The following ADGRB3 variants were observed in gnomAD, a reference collection of about 807,000 sequenced individuals.
The protein encoded by ADGRB3 is brain-specific angiogenesis inhibitor 3.
Under a neutral mutation model 193.4 loss-of-function variants are expected in ADGRB3, and 37 were observed. The ratio of observed to expected loss-of-function variants is 0.19; its 90% CI spans 0.15 to 0.25. The LOEUF (loss-of-function observed/expected upper bound fraction) is 0.25. Among genes scored for constraint, ADGRB3 ranks in the 10% least tolerant of loss-of-function variants. ADGRB3 has a pLI of 1.00. For missense variants in ADGRB3, 1,637 were observed against 1,852.9 expected (o/e 0.88, Z 2.14); for synonymous variants, 690 against 644.2 (o/e 1.07, Z -1.08).
At chr6:69,012,596 G>A (rs974377474) in intron 11 of ADGRB3, among the ~76,000 whole-genome samples, 1 of 151,926 alleles carries the variant, frequency 6.6e-6, no homozygotes, top group Non-Finnish European at 1.5e-5. Flanking sequence ...TTGAAAAACG[G>A]GTCTAAAACA....
chr6:69,238,307 G>T (rs1470740627), intron 19 of ADGRB3, among the ~76,000 whole-genome samples: 6 of 152,062 alleles, frequency 3.9e-5, no homozygotes, highest in Non-Finnish European at 5.9e-5. Flanking sequence ...ATTTACCACA[G>T]AATGCAGTGA....
intron 8 of ADGRB3, among the ~76,000 whole-genome samples, chr6:68,972,742 C>T (rs1032181092): frequency 6.6e-6 from 1 of 151,918 alleles, no homozygotes; most frequent in South Asian, 2.1e-4. Context: ...AAGAAAAACA[C>T]CTAACGTAAG....
chr6:68,990,428 T>TTG (rs1391412377), intron 10 of ADGRB3, among the ~76,000 whole-genome samples: 5 of 152,144 alleles, frequency 3.3e-5, no homozygotes, highest in Non-Finnish European at 7.4e-5. Flanking sequence ...CCAGGAAGGA[T>TTG]GCTAATCAGT....
intron 20 of ADGRB3, among the ~76,000 whole-genome samples, chr6:69,324,102 A>G (rs1305541772): frequency 6.6e-6 from 1 of 152,114 alleles, no homozygotes; most frequent in Non-Finnish European, 1.5e-5. Flanking sequence ...ACCTTTACCA[A>G]AATGAAGCTG....
chr6:69,145,778 C>G (rs1449296380), intron 17 of ADGRB3, among the ~76,000 whole-genome samples: 1 of 151,888 alleles, frequency 6.6e-6, no homozygotes, highest in Non-Finnish European at 1.5e-5. Context: ...GGTAGCTCCT[C>G]TCTGCAGCTG....
At chr6:69,297,197 G>C (rs1767839575) in intron 20 of ADGRB3, among the ~76,000 whole-genome samples, 1 of 152,016 alleles carries the variant, frequency 6.6e-6, no homozygotes, top group Non-Finnish European at 1.5e-5. Context: ...AGTGAAGGTT[G>C]TTTGTTAATA....
rs187946298 is a variant in ADGRB3, at chr6:69,314,127, G to C, written c.2815-10745G>C. On this transcript the variant is annotated intron_variant, in intron 20 of 31. Transcript: ENST00000370598. The stretch of plus-strand genomic sequence containing the variant: ...CATCTGCTGTGTATGATGTACAAGT[G>C]TTTGAATTCCCACAGCTCACATTTC... Among the ~76,000 whole-genome samples, 13 of 151,798 alleles carry C rather than the reference G, an allele frequency of 8.6e-5. No individual in the cohort carries two copies. In the East Asian group the frequency reaches 2.1e-3, roughly 25 times the overall value.
intron 3 of ADGRB3, among the ~76,000 whole-genome samples, chr6:68,903,086 A>G (rs1245214397): frequency 1.3e-5 from 2 of 152,192 alleles, no homozygotes; most frequent in Non-Finnish European, 2.9e-5. Flanking sequence ...TAGCTGGTCC[A>G]TGATTTACAC....
At chr6:69,300,145 G>T (rs184298185) in intron 20 of ADGRB3, among the ~76,000 whole-genome samples, 1 of 151,498 alleles carries the variant, frequency 6.6e-6, no homozygotes, top group Non-Finnish European at 1.5e-5. Context: ...TTCATTCCAG[G>T]GATACAAAGA....
chr6:68,956,214 G>C, intron 7 of ADGRB3, 26 bp downstream of exon 7: 1 of 1,587,260 alleles, frequency 6.3e-7, no homozygotes, highest in Non-Finnish European at 8.6e-7. Context: ...TGCATATCAT[G>C]GGCACTCGTA....
chr6:68,923,700 A>G (rs946707686), intron 3 of ADGRB3, among the ~76,000 whole-genome samples: 1 of 152,054 alleles, frequency 6.6e-6, no homozygotes, highest in African/African-American at 2.4e-5. Flanking sequence ...TAAAAGTACA[A>G]TACTGGACTT....
intron 3 of ADGRB3, among the ~76,000 whole-genome samples, chr6:68,654,722 T>C (rs868421945): frequency 6.6e-6 from 1 of 151,948 alleles, no homozygotes; most frequent in East Asian, 1.9e-4. Flanking sequence ...CTGAATTTAC[T>C]AACTAAATAT....
chr6:69,335,543 A>T (rs1308512836), intron 24 of ADGRB3, among the ~76,000 whole-genome samples: 1 of 152,124 alleles, frequency 6.6e-6, no homozygotes, highest in African/African-American at 2.4e-5. Context: ...GTTTTAGCTT[A>T]AGCAAATATA....
intron 26 of ADGRB3, among the ~76,000 whole-genome samples, chr6:69,353,745 T>C (rs548480503): frequency 4.4e-4 from 67 of 152,222 alleles, no homozygotes; most frequent in Non-Finnish European, 6.5e-4. Context: ...ACAGCAAAAG[T>C]CCAGGTACAC....
intron 30 of ADGRB3, among the ~76,000 whole-genome samples, chr6:69,372,662 T>C (rs1769731113): frequency 6.6e-6 from 1 of 152,162 alleles, no homozygotes; most frequent in African/African-American, 2.4e-5. Flanking sequence ...TCTGGACAAG[T>C]GAGGAATTTG....
intron 17 of ADGRB3, among the ~76,000 whole-genome samples, chr6:69,201,847 A>G (rs1765423442): frequency 6.6e-6 from 1 of 152,126 alleles, no homozygotes; most frequent in East Asian, 1.9e-4. Context: ...AATCCGACCT[A>G]TCATTTCATC....
At chr6:69,205,605 A>G (rs764555500) in intron 17 of ADGRB3, among the ~76,000 whole-genome samples, 13 of 152,080 alleles carry the variant, frequency 8.5e-5, no homozygotes, top group Non-Finnish European at 1.8e-4. Flanking sequence ...GGCCTCTAGT[A>G]TGGGTGATCC....
At chr6:69,171,394 C>A (rs1775267935) in intron 17 of ADGRB3, among the ~76,000 whole-genome samples, 1 of 152,148 alleles carries the variant, frequency 6.6e-6, no homozygotes, top group African/African-American at 2.4e-5. Context: ...CATGTGCCAC[C>A]AAAAATGGCC....
chr6:68,891,183 C>T (rs867015090), intron 3 of ADGRB3, among the ~76,000 whole-genome samples: 51 of 152,180 alleles, frequency 3.4e-4, no homozygotes, highest in African/African-American at 1.2e-3. Context: ...GTGAGACTTA[C>T]TCACTATTAC....
Sources: allele counts gnomAD v4.1 joint callset (sites outside exome capture counted in the v4.1 genomes callset), GRCh38; gene constraint gnomAD v4.1.1; transcripts MANE v1.5; gene names NCBI Gene and HGNC (gene_info 2026-07-23, HGNC 2026-07-21).